Variants in DCST2 observed in about 807,000 individuals in gnomAD.
DCST2 encodes the protein DC-STAMP domain-containing protein 2.
DCST2 carries 64 observed loss-of-function variants against 81.8 expected under a neutral mutation model. The ratio of observed to expected loss-of-function variants is 0.78; its 90% CI spans 0.64 to 0.96. DCST2 has a LOEUF of 0.96. DCST2 is among the 40% of genes least tolerant of loss of function. DCST2 has a pLI of 0.00. For synonymous variants in DCST2, 354 were observed against 402.6 expected (o/e 0.88, Z 1.44); for missense variants, 945 against 1,001.4 (o/e 0.94, Z 0.76).
rs1281333099 is a variant in DCST2 at position 155,031,672 on chromosome 1, T to C, written c.641A>G (p.Asp214Gly). Residue 214 changes from aspartate (D) to glycine (G), a missense_variant, in exon 4 of 15, where the codon GAT becomes GGT. Physicochemically the swap from Asp to Gly is moderately conservative, Grantham distance 94. Transcript: ENST00000368424. ...CATCATGCAGCTGTCCTTGGCATCA[T>C]CGAAAACCCGTGCACACTTCAGGTA... ...NPYLKCARVFDDAKDSCMMVI... is the reference protein window; with the variant it reads ...NPYLKCARVFGDAKDSCMMVI... The C allele has an allele frequency of 4.3e-6, 7 of 1,614,040 alleles. No individual in the cohort carries two copies. The Admixed American group carries it at 8.3e-5, about 19-fold the overall frequency.
chr1:155,030,996 C>A, intron 5 of DCST2, 173 bp downstream of exon 5: 4 of 731,632 alleles, frequency 5.5e-6, no homozygotes, highest in Non-Finnish European at 2.2e-6. Flanking sequence ...TCGCTGGACC[C>A]GTTTCCTGAT....
chr1:155,030,534 A>G lies in DCST2; in HGVS notation c.917T>C (p.Met306Thr), dbSNP rs777191888. The G allele has an allele frequency of 1.2e-6, 2 of 1,614,124 alleles. No individual in the cohort carries two copies. The highest frequency in any genetic ancestry group is 1.7e-6 in the Non-Finnish European group (2 of 1,180,018). The change falls in exon 6 of 15, where the codon ATG (methionine) becomes ACG (threonine). Residue 306 changes from methionine (M) to threonine (T), a missense_variant. Coordinates refer to ENST00000368424, the MANE Select transcript of DCST2 (RefSeq NM_144622.3). ...CATGCTGACAGCCTCGTGGAGGTCC[A>G]TGGCTACCTGGGACAGGCTCCGAGA... ...NASRSLSQVAMDLHEAVSMKL... is the reference protein window; with the variant it reads ...NASRSLSQVATDLHEAVSMKL...
intron 14 of DCST2, among the ~76,000 whole-genome samples, chr1:155,021,070 G>C (rs1659740804): frequency 6.6e-6 from 1 of 151,870 alleles, no homozygotes; most frequent in Non-Finnish European, 1.5e-5. Flanking sequence ...CACAATCTTA[G>C]CTCCCTGCAA....
rs1659877689 is a variant in DCST2 at position 155,025,593 on chromosome 1, C to G, written c.1611+709G>C. ...CTGCCCACCTCGGCCTCCTAAAGTG[C>G]TGGGATTACAGGCATGAGCCACCAA... On this transcript the variant is annotated intron_variant, in intron 10 of 14. Transcript: ENST00000368424. 1.3e-5 allele frequency among the ~76,000 whole-genome samples: 2 copies of G among 152,132 alleles called. 1 individual carries two copies.
Position 155,023,459 on chromosome 1 carries a change from T to C in DCST2, c.1871-2A>G. 1.3e-6 allele frequency: 2 copies of C among 1,587,554 alleles called. No homozygotes were observed. Among genetic ancestry groups the C allele is most frequent in the African/African-American group, 1.3e-5 (1 of 74,564 alleles). ...GGAAGCAAGTGAGGCAGTAGAGACC[T>C]GGTGGAGGCCATGGGGAATGGAGGT... is the stretch of plus-strand genomic sequence containing the variant. On this transcript the variant is annotated splice_acceptor_variant, in intron 12 of 14. Transcript: ENST00000368424. LOFTEE classifies it high-confidence loss of function.
rs200655798 is a variant in DCST2 at position 155,030,643 on chromosome 1, C to T, written c.808G>A (p.Val270Met). The T allele has an allele frequency of 4.7e-5, 76 of 1,613,848 alleles. No homozygotes were observed. The highest frequency in any genetic ancestry group is 6.0e-5 in the Non-Finnish European group (71 of 1,179,998). Reference protein sequence around the residue: ...PFLRQTIGTPVIQLLNRVRQE... With the variant: ...PFLRQTIGTPMIQLLNRVRQE... ...CGCACCCGGTTGAGCAACTGAATCA[C>T]GGCTGGGGCCAGCAGGTTCAGGGGA... Residue 270 changes from valine to methionine, a missense_variant and splice_region_variant, in exon 6 of 15, where the codon GTG becomes ATG. Physicochemically the swap from Val to Met is conservative, Grantham distance 21 (BLOSUM62 1). Coordinates refer to ENST00000368424, the MANE Select transcript of DCST2 (RefSeq NM_144622.3).
Position 155,026,417 on chromosome 1 carries a change from G to A in DCST2, c.1511-15C>T. ...ATACATGACGCCTGGGAGCACAGCA[G>A]CCACAGTCAGCCTCACCAGCAGGCA... On this transcript the variant is annotated splice_polypyrimidine_tract_variant and intron_variant, in intron 9 of 14. Coordinates refer to ENST00000368424, the MANE Select transcript of DCST2 (RefSeq NM_144622.3). The A allele has an allele frequency of 2.5e-6, 4 of 1,613,716 alleles. No individual in the cohort carries two copies. Among genetic ancestry groups the A allele is most frequent in the Non-Finnish European group, 3.4e-6 (4 of 1,179,946 alleles).
Position 155,033,194 on chromosome 1 carries a change from T to C in DCST2, c.339A>G (p.Leu113=). The change falls in exon 2 of 15, where the codon CTA becomes CTG. Residue 113 remains leucine, a synonymous_variant. Coordinates refer to ENST00000368424, the MANE Select transcript of DCST2 (RefSeq NM_144622.3). ...CCTCGCTGGCCCGGGTGAAGTTGCG[T>C]AGAGTGTTGGCACAAGGCCCTTGAA... The part of the protein sequence containing the change: ...LVLQGPCANT[L]RNFTRASEAV... 1 of 1,613,852 alleles carries C rather than the reference T, an allele frequency of 6.2e-7. No individual in the cohort carries two copies. The highest frequency in any genetic ancestry group is 8.5e-7 in the Non-Finnish European group (1 of 1,179,912).
intron 6 of DCST2, 38 bp from the exon 7 acceptor site, chr1:155,030,279 G>GGACCCCAGGCCA: frequency 6.2e-7 from 1 of 1,613,240 alleles, no homozygotes; most frequent in Non-Finnish European, 8.5e-7. Flanking sequence ...AGGCCCCTTA[G>GGACCCCAGGCCA]GACCCCAGGC....
chr1:155,030,309 G>A (rs775246402), intron 6 of DCST2, 68 bp from the exon 7 acceptor site: 47 of 1,603,836 alleles, frequency 2.9e-5, no homozygotes, highest in Non-Finnish European at 3.7e-5. Context: ...CAGGGCATCC[G>A]CGCTTCAACC....
chr1:155,019,375 C>A (rs532459959), intron 14 of DCST2, among the ~76,000 whole-genome samples: 31 of 152,334 alleles, frequency 2.0e-4, no homozygotes, highest in Non-Finnish European at 4.0e-4. Flanking sequence ...TATGGTCCTG[C>A]AACCTCGTCG....
rs1029747824 is a variant in DCST2, at chr1:155,029,216, G to A, written c.1342+17C>T. ...TGCAGTGGGTGAGTGGGAGGAGGCT[G>A]TCACGTAGGCACTCACTGCGGGCCA... On this transcript the variant is annotated intron_variant, in intron 8 of 14. Transcript: ENST00000368424. 6.2e-7 allele frequency: 1 copy of A among 1,611,508 alleles called. No homozygotes were observed. Among genetic ancestry groups the A allele is most frequent in the Non-Finnish European group, 8.5e-7 (1 of 1,179,176 alleles).
chr1:155,030,363 G>A, intron 6 of DCST2, 69 bp downstream of exon 6: 2 of 1,593,698 alleles, frequency 1.3e-6, no homozygotes, highest in Non-Finnish European at 1.7e-6. Context: ...GGAGAAATGA[G>A]CTGCTCCCTG....
chr1:155,030,086 G>A lies in DCST2; in HGVS notation c.1175C>T (p.Pro392Leu), dbSNP rs749917529. 70 of 1,613,094 alleles carry A rather than the reference G, an allele frequency of 4.3e-5. No individual in the cohort carries two copies. Among genetic ancestry groups the A allele is most frequent in the Non-Finnish European group, 5.4e-5 (64 of 1,179,958 alleles). The change falls in exon 7 of 15, where the codon CCG (proline) becomes CTG (leucine). Residue 392 changes from proline to leucine, a missense_variant and splice_region_variant. By Grantham distance (98) the Pro-to-Leu change is moderately conservative. Coordinates refer to ENST00000368424, the MANE Select transcript of DCST2 (RefSeq NM_144622.3). ...CTCCCTGTCCTCAGGGCCCTCACCC[G>A]GTGGGATGTAGCGCCTGGCCTCGTG... The part of the protein sequence containing the change: ...SAHEARRYIP[P>L]GSIFLSQWEK...
chr1:155,026,812 T>C, intron 8 of DCST2, 97 bp from the exon 9 acceptor site: 3 of 1,466,966 alleles, frequency 2.0e-6, no homozygotes, highest in East Asian at 2.3e-5. Flanking sequence ...GCGCAGGTCA[T>C]AGGATGACTC....
At chr1:155,022,463 C>T (rs1270787442) in intron 14 of DCST2, among the ~76,000 whole-genome samples, 1 of 152,156 alleles carries the variant, frequency 6.6e-6, no homozygotes, top group Admixed American at 6.5e-5. Context: ...TGGCTCACAC[C>T]TATAATCCCA....
At chr1:155,032,369 T>C (rs530378054) in intron 3 of DCST2, among the ~76,000 whole-genome samples, 178 of 149,302 alleles carry the variant, frequency 1.2e-3, no homozygotes, top group Admixed American at 4.5e-3. Context: ...GGCACGATCA[T>C]AGCTCACTGC....
intron 2 of DCST2, 49 bp downstream of exon 2, chr1:155,033,045 G>C: frequency 6.7e-7 from 1 of 1,483,324 alleles, no homozygotes; most frequent in East Asian, 2.4e-5. Flanking sequence ...GCAGGATGAG[G>C]GGGGCGAGGG....
Position 155,023,849 on chromosome 1 carries a change from C to T in DCST2, c.1853G>A (p.Ser618Asn). ...EGDMENTVSCSTPGCQGLYCL... is the reference protein window; with the variant it reads ...EGDMENTVSCNTPGCQGLYCL... ...GGTCTCACCTTGGCAGCCGGGGGTA[C>T]TGCAGGACACAGTGTTCTCCATGTC... The change falls in exon 12 of 15, where the codon AGT becomes AAT. Residue 618 changes from serine to asparagine, a missense_variant. Physicochemically the swap from Ser to Asn is conservative, Grantham distance 46 (BLOSUM62 1). Transcript: ENST00000368424. The T allele has an allele frequency of 6.2e-7, 1 of 1,613,734 alleles. No homozygotes were observed. Among genetic ancestry groups the T allele is most frequent in the Non-Finnish European group, 8.5e-7 (1 of 1,179,952 alleles).
Sources: gnomAD v4.1 joint callset for allele counts (sites outside exome capture counted in the v4.1 genomes callset) on GRCh38, gnomAD v4.1.1 for gene constraint, MANE v1.5 for transcripts, NCBI Gene and HGNC (gene_info 2026-07-23, HGNC 2026-07-21) for gene names.